The following FAM168A variants were observed in gnomAD, a reference collection of about 807,000 sequenced individuals.
FAM168A encodes the protein family with sequence similarity 168 member A.
Under a neutral mutation model 28.5 loss-of-function variants are expected in FAM168A, and 3 were observed. The ratio of observed to expected loss-of-function variants is 0.11; its 90% CI spans 0.05 to 0.27. FAM168A has a LOEUF of 0.27. Among genes scored for constraint, FAM168A ranks in the 10% least tolerant of loss-of-function variants. FAM168A has a pLI of 1.00. For missense variants in FAM168A, 222 were observed against 311.5 expected (o/e 0.71, Z 2.16); for synonymous variants, 122 against 124.2 (o/e 0.98, Z 0.12).
At chr11:73,507,185 G>C (rs570111) in intron 1 of FAM168A, among the ~76,000 whole-genome samples, 1 of 151,924 alleles carries the variant, frequency 6.6e-6, no homozygotes, top group African/African-American at 2.4e-5. Context: ...GTGGGAGCAC[G>C]TGTAATTGTG....
chr11:73,508,671 T>C (rs1855162309), intron 1 of FAM168A, among the ~76,000 whole-genome samples: 1 of 152,082 alleles, frequency 6.6e-6, no homozygotes, highest in African/African-American at 2.4e-5. Flanking sequence ...GGGGTGTGTG[T>C]GTGTGCACGC....
At chr11:73,546,927 A>T (rs1354248615) in intron 1 of FAM168A, among the ~76,000 whole-genome samples, 1 of 151,976 alleles carries the variant, frequency 6.6e-6, no homozygotes, top group African/African-American at 2.4e-5. Flanking sequence ...AAAAAATAAC[A>T]ACAACAACAA....
intron 3 of FAM168A, among the ~76,000 whole-genome samples, chr11:73,425,735 C>G (rs1429494482): frequency 3.9e-5 from 6 of 152,176 alleles, no homozygotes; most frequent in African/African-American, 1.4e-4. Flanking sequence ...TGCATGCCAC[C>G]AAGCCTGCCT....
intron 1 of FAM168A, among the ~76,000 whole-genome samples, chr11:73,476,876 T>C (rs1867895816): frequency 1.3e-5 from 2 of 151,728 alleles, no homozygotes; most frequent in Non-Finnish European, 2.9e-5. Context: ...GACAGAGCAA[T>C]AGAAGTTATA....
rs1362717917 is a variant in FAM168A, at chr11:73,597,926, T to A, written c.-22A>T. 1 of 154,520 alleles carries A rather than the reference T, an allele frequency of 6.5e-6. No homozygotes were observed. The highest frequency in any genetic ancestry group is 1.4e-5 in the Non-Finnish European group (1 of 70,034). 9.6% of individuals were successfully genotyped at this position (154,520 alleles called of 1,614,324 possible). The stretch of plus-strand genomic sequence containing the variant: ...GTGGCGGGGGGAGTCTCCTCACCGG[T>A]GAGCAGCTGCAGGCGAAAACGGCGG... On this transcript the variant is annotated 5_prime_UTR_variant, in exon 1 of 8. Transcript: ENST00000356467.
intron 4 of FAM168A, among the ~76,000 whole-genome samples, chr11:73,419,032 A>C (rs1322815135): frequency 3.3e-5 from 5 of 151,974 alleles, no homozygotes; most frequent in African/African-American, 7.3e-5. Flanking sequence ...GGATGGTCTC[A>C]ATCTCCTGAC....
chr11:73,468,905 A>G (rs1469251212), intron 1 of FAM168A, among the ~76,000 whole-genome samples: 2 of 152,162 alleles, frequency 1.3e-5, no homozygotes, highest in Non-Finnish European at 2.9e-5. Flanking sequence ...TGTTAGTCTA[A>G]GAGTTGGAAA....
chr11:73,499,890 C>CT (rs2134621995), intron 1 of FAM168A, among the ~76,000 whole-genome samples: 1 of 152,222 alleles, frequency 6.6e-6, no homozygotes, highest in South Asian at 2.1e-4. Flanking sequence ...AAGACCAAAC[C>CT]TACGGTTGAC....
chr11:73,590,247 T>A (rs903726665), intron 1 of FAM168A, among the ~76,000 whole-genome samples: 6 of 151,834 alleles, frequency 4.0e-5, no homozygotes, highest in Non-Finnish European at 8.8e-5. Context: ...ACAAAAAAAA[T>A]TTTAAAATAA....
intron 4 of FAM168A, among the ~76,000 whole-genome samples, chr11:73,413,315 G>GT (rs1362262952): frequency 6.6e-6 from 1 of 152,204 alleles, no homozygotes; most frequent in Non-Finnish European, 1.5e-5. Flanking sequence ...TGGGAAATAA[G>GT]TAACAATGAG....
intron 1 of FAM168A, among the ~76,000 whole-genome samples, chr11:73,490,291 G>GC (rs915750680): frequency 2.0e-4 from 31 of 151,564 alleles, no homozygotes; most frequent in Non-Finnish European, 2.9e-4. Context: ...AAGTATTACT[G>GC]CCCCCCCTGT....
At chr11:73,458,186 CT>C (rs1173834326) in intron 2 of FAM168A, among the ~76,000 whole-genome samples, 1 of 152,148 alleles carries the variant, frequency 6.6e-6, no homozygotes, top group Non-Finnish European at 1.5e-5. Context: ...AAATAAACAA[CT>C]TTTTGTAGAG....
chr11:73,538,656 G>C (rs765641176), intron 1 of FAM168A, among the ~76,000 whole-genome samples: 17 of 152,168 alleles, frequency 1.1e-4, no homozygotes, highest in African/African-American at 3.4e-4. Context: ...CAGGAAATTG[G>C]GTTTGAGAAG....
chr11:73,412,978 C>T (rs1305759616), intron 4 of FAM168A, among the ~76,000 whole-genome samples: 1 of 152,186 alleles, frequency 6.6e-6, no homozygotes, highest in African/African-American at 2.4e-5. Flanking sequence ...TGACAATTGT[C>T]AAGTCTTTGG....
chr11:73,579,992 TTTGCC>T (rs1944224704), intron 1 of FAM168A, among the ~76,000 whole-genome samples: 1 of 152,206 alleles, frequency 6.6e-6, no homozygotes, highest in Admixed American at 6.5e-5. Context: ...CTTTAAAATA[TTTGCC>T]TTGATACATG....
intron 1 of FAM168A, among the ~76,000 whole-genome samples, chr11:73,577,764 T>G (rs1944193743): frequency 6.6e-6 from 1 of 152,202 alleles, no homozygotes; most frequent in Admixed American, 6.5e-5. Context: ...AATGCCAGAC[T>G]TAAACATAGG....
At chr11:73,524,219 G>A (rs1943422102) in intron 1 of FAM168A, among the ~76,000 whole-genome samples, 1 of 151,678 alleles carries the variant, frequency 6.6e-6, no homozygotes, top group Admixed American at 6.6e-5. Flanking sequence ...AAATTTTATG[G>A]TGTTCTGAAA....
At chr11:73,439,272 T>C (rs183071771) in intron 2 of FAM168A, among the ~76,000 whole-genome samples, 2 of 152,236 alleles carry the variant, frequency 1.3e-5, no homozygotes, top group Non-Finnish European at 2.9e-5. Context: ...ACTGTTCTCA[T>C]CTAGGGCAAG....
intron 1 of FAM168A, among the ~76,000 whole-genome samples, chr11:73,496,795 C>G (rs1047799137): frequency 4.0e-5 from 6 of 151,762 alleles, no homozygotes; most frequent in Non-Finnish European, 4.4e-5. Flanking sequence ...CTCCTGACCT[C>G]GTGATCCACC....
Sources: gnomAD v4.1 joint callset for allele counts (sites outside exome capture counted in the v4.1 genomes callset) on GRCh38, gnomAD v4.1.1 for gene constraint, MANE v1.5 for transcripts, NCBI Gene and HGNC (gene_info 2026-07-23, HGNC 2026-07-21) for gene names.